Variants in LHFPL6 observed in about 807,000 individuals in gnomAD.
LHFPL6 encodes LHFPL tetraspan subfamily member 6 protein.
A neutral mutation model predicts 20.6 loss-of-function variants in LHFPL6; 9 were observed. The ratio of observed to expected loss-of-function variants is 0.44; its 90% confidence interval spans 0.26 to 0.76. LHFPL6 has a LOEUF of 0.76. Among genes scored for constraint, LHFPL6 ranks in the 30% least tolerant of loss-of-function variants. The pLI, the probability that LHFPL6 is intolerant of heterozygous loss-of-function variation, is 0.20. For missense variants in LHFPL6, 218 were observed against 253.5 expected, an observed-to-expected ratio of 0.86 and a Z score of 0.95; for synonymous variants, 105 against 98.7, an observed-to-expected ratio of 1.06 and a Z score of -0.38.
intron 2 of LHFPL6, among the ~76,000 whole-genome samples, chr13:39,509,558 A>G (rs1593341739): frequency 6.6e-6 from 1 of 152,070 alleles, no homozygotes; most frequent in African/African-American, 2.4e-5. Context: ...GCTATTTTAT[A>G]TTTCTTTTAA....
At chr13:39,359,761 C>A (rs558845040) in intron 3 of LHFPL6, among the ~76,000 whole-genome samples, 1 of 151,860 alleles carries the variant, frequency 6.6e-6, no homozygotes, top group Admixed American at 6.6e-5. Context: ...TGCACATGTA[C>A]CCCCAGAATC....
rs191599270 is a variant in LHFPL6 at position 39,532,546 on chromosome 13, C to G, written c.385+68286G>C. Among the ~76,000 whole-genome samples, 386 of 151,618 alleles carry G rather than the reference C, an allele frequency of 2.5e-3. 4 individuals are homozygous for G. Among genetic ancestry groups the G allele is most frequent in the Non-Finnish European group, 2.5e-3 (171 of 67,844 alleles). ...AAATATCAGTCCTTTTTACTTGTAC[C>G]ATGTATATATCCCATGGGACCAAAT... On this transcript the variant is annotated intron_variant, in intron 2 of 3. Coordinates refer to ENST00000379589, the MANE Select transcript of LHFPL6 (RefSeq NM_005780.3).
chr13:39,554,737 A>C (rs1871249576), intron 2 of LHFPL6, among the ~76,000 whole-genome samples: 2 of 152,136 alleles, frequency 1.3e-5, no homozygotes, highest in Non-Finnish European at 2.9e-5. Flanking sequence ...GTGTCCCCCC[A>C]GCCATTCACA....
intron 2 of LHFPL6, among the ~76,000 whole-genome samples, chr13:39,516,759 T>C (rs1869934317): frequency 1.4e-5 from 2 of 139,024 alleles, no homozygotes; most frequent in South Asian, 4.5e-4. Flanking sequence ...AAAATCTTGA[T>C]GAAAATTAGA....
intron 2 of LHFPL6, among the ~76,000 whole-genome samples, chr13:39,546,516 G>A (rs1488405619): frequency 1.3e-5 from 2 of 152,014 alleles, no homozygotes; most frequent in South Asian, 2.1e-4. Flanking sequence ...AAATTCTTGG[G>A]TCCACCTGAC....
At chr13:39,498,721 A>G (rs1366888201) in intron 2 of LHFPL6, among the ~76,000 whole-genome samples, 4 of 152,230 alleles carry the variant, frequency 2.6e-5, no homozygotes, top group Non-Finnish European at 5.9e-5. Context: ...TAACAATTCA[A>G]GGATAAAGGG....
At chr13:39,370,403 GT>G (rs1870135588) in intron 3 of LHFPL6, among the ~76,000 whole-genome samples, 1 of 152,176 alleles carries the variant, frequency 6.6e-6, no homozygotes, top group Non-Finnish European at 1.5e-5. Context: ...GGATTTAAGT[GT>G]CAAAAGTTTA....
chr13:39,343,960 C>T lies in LHFPL6; in HGVS notation c.579G>A (p.Lys193=), dbSNP rs142420975. ...CTCAGTATGGGTAGTGCTTCTGTTT[C>T]TTGCCCGAAAAGCAAGCCAGCCACG... The part of the protein sequence containing the change: ...LCTWLACFSG[K]KQKHYPY Residue 193 remains lysine, a synonymous_variant, in exon 4 of 4, where the codon AAG becomes AAA. Coordinates refer to ENST00000379589, the MANE Select transcript of LHFPL6 (RefSeq NM_005780.3). 13 of 1,613,710 alleles carry T rather than the reference C, an allele frequency of 8.1e-6. No homozygotes were observed. In the African/African-American group the frequency reaches 1.6e-4, roughly 20 times the overall value.
chr13:39,581,532 C>CAA lies in LHFPL6; in HGVS notation c.385+19298_385+19299dup, dbSNP rs71080316. On this transcript the variant is annotated intron_variant, in intron 2 of 3. Transcript: ENST00000379589. ...TAGAATACCATCTTTATGCATGAGA[C>CAA]AAAAAAAAAAAAAAAGAAGAAGAAG... 3.7e-3 allele frequency among the ~76,000 whole-genome samples: 392 copies of CAA among 106,374 alleles called. 2 individuals carry two copies. The highest frequency in any genetic ancestry group is 9.3e-3 in the East Asian group (33 of 3,556). 69.8% of individuals were successfully genotyped at this position (106,374 alleles called of 152,430 possible). A position where few individuals can be genotyped will look rare whatever the true frequency, so the allele number is the denominator to read the frequency against.
chr13:39,537,114 T>C (rs530580750), intron 2 of LHFPL6, among the ~76,000 whole-genome samples: 1 of 152,344 alleles, frequency 6.6e-6, no homozygotes, highest in Admixed American at 6.5e-5. Context: ...AGTTCATTCA[T>C]GGTTCTCTGT....
At chr13:39,518,143 G>A (rs1927205) in intron 2 of LHFPL6, among the ~76,000 whole-genome samples, 12,974 of 152,058 alleles carry the variant, frequency 0.085, 627 homozygotes, top group East Asian at 0.25. Context: ...AAACACTTTC[G>A]AATAGCGACG....
intron 2 of LHFPL6, among the ~76,000 whole-genome samples, chr13:39,560,596 G>A (rs1297591041): frequency 7.0e-6 from 1 of 143,582 alleles, no homozygotes. Flanking sequence ...CTCACTGCAA[G>A]CCCCGCCTCC....
At chr13:39,533,424 A>G (rs200034764) in intron 2 of LHFPL6, among the ~76,000 whole-genome samples, 1 of 36,188 alleles carries the variant, frequency 2.8e-5, no homozygotes, top group African/African-American at 6.7e-5. Context: ...AATAGAGAAA[A>G]GGAAACAGCA....
intron 2 of LHFPL6, among the ~76,000 whole-genome samples, chr13:39,467,591 T>C (rs192168153): frequency 2.7e-4 from 41 of 152,262 alleles, no homozygotes; most frequent in African/African-American, 9.4e-4. Flanking sequence ...GGAAACTAGA[T>C]CCACCAATGA....
chr13:39,393,513 A>T (rs976811461), intron 2 of LHFPL6, among the ~76,000 whole-genome samples: 1 of 152,164 alleles, frequency 6.6e-6, no homozygotes, highest in Non-Finnish European at 1.5e-5. Context: ...TCAGGTGAAG[A>T]GAACAGGCTG....
chr13:39,415,523 A>G (rs1432370268), intron 2 of LHFPL6, among the ~76,000 whole-genome samples: 1 of 152,138 alleles, frequency 6.6e-6, no homozygotes, highest in African/African-American at 2.4e-5. Context: ...ACAAAAAACA[A>G]AAGCAAGCTG....
At chr13:39,379,891 T>C (rs1870392329) in intron 2 of LHFPL6, among the ~76,000 whole-genome samples, 1 of 152,342 alleles carries the variant, frequency 6.6e-6, no homozygotes, top group African/African-American at 2.4e-5. Flanking sequence ...CTAGAAAGAA[T>C]GATTGAAACT....
chr13:39,438,966 C>T lies in LHFPL6; in HGVS notation c.386-60440G>A, dbSNP rs1241426470. ...GCAGAGGCAAAATGTGGGGTCGGAG[C>T]CCCCACACAGAGTCCCCACTGGGGC... is the stretch of plus-strand genomic sequence containing the variant. On this transcript the variant is annotated intron_variant, in intron 2 of 3. Transcript: ENST00000379589. 3.3e-5 allele frequency among the ~76,000 whole-genome samples: 5 copies of T among 152,130 alleles called. No homozygotes were observed. The East Asian group carries it at 9.7e-4, about 29-fold the overall frequency.
chr13:39,486,949 C>G (rs1400535069), intron 2 of LHFPL6, among the ~76,000 whole-genome samples: 1 of 152,186 alleles, frequency 6.6e-6, no homozygotes. Flanking sequence ...ACAGAGACTT[C>G]AGCACAAATG....
Sources: gnomAD v4.1 joint callset for allele counts (sites outside exome capture counted in the v4.1 genomes callset) on GRCh38, gnomAD v4.1.1 for gene constraint, MANE v1.5 for transcripts, NCBI Gene and HGNC (gene_info 2026-07-23, HGNC 2026-07-21) for gene names.